The following GNE variants were observed in gnomAD, a reference collection of about 807,000 sequenced individuals.
GNE encodes bifunctional UDP-N-acetylglucosamine 2-epimerase/N-acetylmannosamine kinase.
Under a neutral mutation model 61.8 loss-of-function variants are expected in GNE, and 41 were observed. That is an observed-to-expected ratio of 0.66 (90% CI 0.52 to 0.86). GNE has a LOEUF of 0.86. Ranked by LOEUF, GNE falls within the 40% of genes least tolerant of loss-of-function variation. The pLI, the probability that GNE is intolerant of heterozygous loss-of-function variation, is 0.00. For synonymous variants in GNE, 264 were observed against 326.4 expected, an observed-to-expected ratio of 0.81 and a Z score of 2.06; for missense variants, 608 against 909.1, an observed-to-expected ratio of 0.67 and a Z score of 4.26.
intron 3 of GNE, among the ~76,000 whole-genome samples, chr9:36,242,302 C>G (rs1227536745): frequency 6.9e-6 from 1 of 144,184 alleles, no homozygotes; most frequent in South Asian, 2.2e-4. Context: ...AAAAAAAAAG[C>G]AATTTTAGCT....
At position 36,219,961 on chromosome 9, in the gene GNE, C is replaced by T; in HGVS notation, c.1693G>A (p.Ala565Thr). The part of the protein sequence containing the change: ...ELIHGSSFCA[A>T]ELGHLVVSLD... The stretch of plus-strand genomic sequence containing the variant: ...GACACAACAAGGTGGCCCAGTTCTG[C>T]AGCACAGAAGGAGCTTCCGTGGATC... Residue 565 changes from alanine to threonine, a missense_variant, in exon 10 of 12, where the codon GCA becomes ACA. Ala to Thr is a moderately conservative substitution (Grantham distance 58). Transcript: ENST00000642385. 1 of 1,614,074 alleles carries T rather than the reference C, an allele frequency of 6.2e-7. No individual in the cohort carries two copies. The highest frequency in any genetic ancestry group is 8.5e-7 in the Non-Finnish European group (1 of 1,179,912).
At chr9:36,272,392 C>A (rs1201136628) in intron 1 of GNE, among the ~76,000 whole-genome samples, 1 of 151,994 alleles carries the variant, frequency 6.6e-6, no homozygotes, top group African/African-American at 2.4e-5. Flanking sequence ...GAGGCCGAGG[C>A]AGGTGGATCA....
upstream of GNE, chr9:36,263,316 A>G (rs1762809758): frequency 8.6e-6 from 2 of 232,920 alleles, no homozygotes; most frequent in Non-Finnish European, 1.9e-5. Context: ...GATTACAGAC[A>G]TGTGTCACCG....
chr9:36,234,463 A>C (rs561997833), intron 4 of GNE, among the ~76,000 whole-genome samples: 3 of 152,098 alleles, frequency 2.0e-5, no homozygotes, highest in African/African-American at 7.2e-5. Context: ...GTATCTCTTA[A>C]CCTGAGAGTT....
chr9:36,261,547 C>T (rs1474994573), upstream of GNE, among the ~76,000 whole-genome samples: 11 of 105,700 alleles, frequency 1.0e-4, no homozygotes, highest in Non-Finnish European at 1.5e-4. Context: ...AGTGAGACTC[C>T]GTCTCAAAAA....
chr9:36,221,848 A>T (rs1451061549), intron 9 of GNE, among the ~76,000 whole-genome samples: 1 of 152,104 alleles, frequency 6.6e-6, no homozygotes, highest in East Asian at 1.9e-4. Flanking sequence ...TCTTGATAAG[A>T]GAACTTTCTG....
intron 7 of GNE, among the ~76,000 whole-genome samples, chr9:36,227,026 A>G (rs926987891): frequency 3.9e-5 from 6 of 152,200 alleles, no homozygotes; most frequent in African/African-American, 1.2e-4. Context: ...CCCACTGTCA[A>G]GTCTACCGTC....
At chr9:36,246,660 CTTTTTT>C (rs66781293) in intron 2 of GNE, among the ~76,000 whole-genome samples, 178 bp from the exon 3 acceptor site, 1 of 119,064 alleles carries the variant, frequency 8.4e-6, no homozygotes, top group African/African-American at 3.2e-5. Context: ...GATTAAGATT[CTTTTTT>C]TTTTTTTTTT....
rs541422202 is a variant in GNE, at chr9:36,256,142, G to T, written c.-43+2179C>A. On this transcript the variant is annotated intron_variant, in intron 1 of 11. Transcript: ENST00000642385. The stretch of plus-strand genomic sequence containing the variant: ...GGGTTTCACCATGTTGGCCAGGCTG[G>T]TCTCGATCTCCTGACCTCAGGTGAT... Among the ~76,000 whole-genome samples the T allele has an allele frequency of 4.7e-4, 71 of 151,834 alleles. 1 individual carries two copies. The South Asian group carries it at 0.014, about 30-fold the overall frequency.
chr9:36,215,655 AATGTAT>A lies in GNE; in HGVS notation c.*1704_*1709del, dbSNP rs1388588714. On this transcript the variant is annotated 3_prime_UTR_variant, in exon 12 of 12. Coordinates refer to ENST00000642385, the MANE Select transcript of GNE (RefSeq NM_005476.7). Reference sequence around the variant, plus strand: ...CTCATATGTTGAGATAATTTAGGATAATGTATATGAAGCACCTAGTTCAGAGCCTGG... The same window carrying A: ...CTCATATGTTGAGATAATTTAGGATAATGAAGCACCTAGTTCAGAGCCTGG... The A allele has an allele frequency of 6.6e-6, 1 of 152,286 alleles. No homozygotes were observed. Among genetic ancestry groups the A allele is most frequent in the Non-Finnish European group, 1.5e-5 (1 of 68,076 alleles). The allele number at this position is 152,286 out of a possible 1,614,324, so 9.4% of individuals were successfully genotyped here.
In GNE at chr9:36,215,786, A is replaced by G. The variant is rs1828245789; in HGVS notation, c.*1579T>C. 6.6e-6 allele frequency: 1 copy of G among 152,378 alleles called. No individual in the cohort carries two copies. Among genetic ancestry groups the G allele is most frequent in the African/African-American group, 2.4e-5 (1 of 41,436 alleles). 9.4% of individuals were successfully genotyped at this position (152,378 alleles called of 1,614,324 possible). ...CTTTTGTATTTTGACACCAATGAAA[A>G]CACGAATCATGTAGACAGAATCCTG... On this transcript the variant is annotated 3_prime_UTR_variant, in exon 12 of 12. Transcript: ENST00000642385.
chr9:36,216,457 TC>T lies in GNE; in HGVS notation c.*907del, dbSNP rs1484813337. 9 of 282,618 alleles carry T rather than the reference TC, an allele frequency of 3.2e-5. No homozygotes were observed. The highest frequency in any genetic ancestry group is 5.9e-5 in the Non-Finnish European group (8 of 135,698). 17.5% of individuals were successfully genotyped at this position (282,618 alleles called of 1,614,324 possible). The stretch of plus-strand genomic sequence containing the variant: ...TTCAAGCAATTCTCCTGCCTCAGCC[TC>T]CCGAGTAGCTGGGACTACAGGCACA... On this transcript the variant is annotated 3_prime_UTR_variant, in exon 12 of 12. Coordinates refer to ENST00000642385, the MANE Select transcript of GNE (RefSeq NM_005476.7).
upstream of GNE, among the ~76,000 whole-genome samples, chr9:36,262,891 C>T (rs940699059): frequency 1.3e-5 from 2 of 152,164 alleles, no homozygotes; most frequent in African/African-American, 4.8e-5. Flanking sequence ...GTAGCCTAAA[C>T]ATTTCTAAAC....
chr9:36,258,587 C>G, upstream of GNE: 1 of 900,284 alleles, frequency 1.1e-6, no homozygotes, highest in Non-Finnish European at 1.3e-6. Flanking sequence ...CCCACCTTCC[C>G]GGCGGTATTT....
intron 7 of GNE, among the ~76,000 whole-genome samples, chr9:36,225,176 T>G (rs1320679722): frequency 1.3e-5 from 2 of 152,214 alleles, no homozygotes; most frequent in Admixed American, 6.5e-5. Flanking sequence ...CAGTAAAGTT[T>G]TAGAATTTTC....
chr9:36,217,754 C>G (rs1027818348), intron 11 of GNE, among the ~76,000 whole-genome samples, 154 bp from the exon 12 acceptor site: 1 of 152,116 alleles, frequency 6.6e-6, no homozygotes, highest in South Asian at 2.1e-4. Context: ...ACGGTTGATT[C>G]TTAATATGAG....
chr9:36,260,691 A>C (rs1016109024), upstream of GNE, among the ~76,000 whole-genome samples: 1 of 151,612 alleles, frequency 6.6e-6, no homozygotes, highest in African/African-American at 2.4e-5. Flanking sequence ...AACATGGTGA[A>C]ACCCCATCTC....
chr9:36,245,474 C>G (rs536952254), intron 3 of GNE, among the ~76,000 whole-genome samples: 5 of 152,036 alleles, frequency 3.3e-5, no homozygotes, highest in African/African-American at 4.8e-5. Flanking sequence ...CACTTGAGGT[C>G]AGGAGTTCGA....
rs1222541518 is a variant in GNE at position 36,238,081 on chromosome 9, CACAT to C, written c.617-1101_617-1098del. On this transcript the variant is annotated intron_variant, in intron 3 of 11. Coordinates refer to ENST00000642385, the MANE Select transcript of GNE (RefSeq NM_005476.7). ...GTAGATATATATAGATACACACACA[CACAT>C]AGATATATAGATGTAGATATAAATA... Among the ~76,000 whole-genome samples the C allele has an allele frequency of 4.6e-5, 7 of 151,622 alleles. No individual in the cohort carries two copies. The South Asian group carries it at 1.0e-3, about 23-fold the overall frequency.
Sources: allele counts gnomAD v4.1 joint callset (sites outside exome capture counted in the v4.1 genomes callset), GRCh38; gene constraint gnomAD v4.1.1; transcripts MANE v1.5; gene names NCBI Gene and HGNC (gene_info 2026-07-23, HGNC 2026-07-21).